PTK7: variants seen among roughly 807,000 people sequenced by gnomAD.
PTK7 encodes the protein inactive tyrosine-protein kinase 7.
A neutral mutation model predicts 116.6 loss-of-function variants in PTK7; 39 were observed. The observed-to-expected ratio is 0.33, with a 90% CI of 0.26 to 0.44. The LOEUF (loss-of-function observed/expected upper bound fraction) is 0.44, where lower values mean the gene tolerates loss of function less well. Among genes scored for constraint, PTK7 ranks in the 20% least tolerant of loss-of-function variants. PTK7 has a pLI of 1.00. For synonymous variants in PTK7, 546 were observed against 563.6 expected, an observed-to-expected ratio of 0.97 and a Z score of 0.44; for missense variants, 1,169 against 1,425.6, an observed-to-expected ratio of 0.82 and a Z score of 2.90.
rs186663012 is a variant in PTK7, at chr6:43,076,860, A to C, written c.79+293A>C. 1,779 of 1,470,138 alleles carry C rather than the reference A, an allele frequency of 1.2e-3. 4 individuals carry two copies. The highest frequency in any genetic ancestry group is 1.5e-3 in the Non-Finnish European group (1,663 of 1,107,434). 91.1% of individuals were successfully genotyped at this position (1,470,138 alleles called of 1,614,324 possible). On this transcript the variant is annotated intron_variant, in intron 1 of 19. Transcript: ENST00000230419. This position sits in a 1 kb window ranked among gnomAD's most constrained non-coding sequence, Gnocchi z 5.7. ...CCGAGAGTTTGCTCGAGAACTGCCG[A>C]GAGTTGCTGGCTCTCGGGCCCAGAT...
Position 43,143,316 on chromosome 6 carries a change from C to G in PTK7, c.2048-101C>G. ...GAAGGTGGTGACCCTCCCGGGCCAT[C>G]TGTTAAGTTGCCCTGTTGATGGGGT... On this transcript the variant is annotated intron_variant, in intron 13 of 19. Transcript: ENST00000230419. This position sits in a 1 kb window ranked among gnomAD's most constrained non-coding sequence, Gnocchi z 4.2. 8.3e-7 allele frequency: 1 copy of G among 1,201,656 alleles called. No homozygotes were observed. Among genetic ancestry groups the G allele is most frequent in the South Asian group, 1.4e-5 (1 of 72,334 alleles). 74.4% of individuals were successfully genotyped at this position (1,201,656 alleles called of 1,614,324 possible). A position where few individuals can be genotyped will look rare whatever the true frequency, so the allele number is the denominator to read the frequency against.
chr6:43,145,118 G>T lies in PTK7; in HGVS notation c.2408-82G>T. 7.6e-7 allele frequency: 1 copy of T among 1,322,610 alleles called. No individual in the cohort carries two copies. Among genetic ancestry groups the T allele is most frequent in the East Asian group, 2.3e-5 (1 of 42,792 alleles). 81.9% of individuals were successfully genotyped at this position (1,322,610 alleles called of 1,614,324 possible). The stretch of plus-strand genomic sequence containing the variant: ...CCCAGGTGGGTGGGTCCCCACTGTG[G>T]GAGAGGCTAGGCCCCTCCCCCAGGT... On this transcript the variant is annotated intron_variant, in intron 15 of 19. Coordinates refer to ENST00000230419, the MANE Select transcript of PTK7 (RefSeq NM_002821.5). This position sits in a 1 kb window ranked among gnomAD's most constrained non-coding sequence, Gnocchi z 4.8.
intron 1 of PTK7, among the ~76,000 whole-genome samples, chr6:43,079,372 CAG>C (rs565128791): frequency 6.4e-4 from 97 of 151,954 alleles, no homozygotes; most frequent in Admixed American, 2.2e-3. Flanking sequence ...GAGGCTGAGA[CAG>C]GAGAATGGCC....
At chr6:43,157,396 A>T (rs1256092490) in intron 17 of PTK7, among the ~76,000 whole-genome samples, 53 of 47,388 alleles carry the variant, frequency 1.1e-3, no homozygotes, top group East Asian at 2.1e-3. Flanking sequence ...TTTTTTTTTT[A>T]ATAGAGTCTC....
Position 43,142,040 on chromosome 6 carries a change from A to C in PTK7, c.1878A>C (p.Lys626Asn). Residue 626 changes from lysine to asparagine, a missense_variant, in exon 12 of 20, where the codon AAA becomes AAC. Lys to Asn is a moderately conservative substitution (Grantham distance 94). This residue lies in a region of PTK7 where 678 missense variants were observed against 853.8 expected (regional missense o/e 0.79). Coordinates refer to ENST00000230419, the MANE Select transcript of PTK7 (RefSeq NM_002821.5). ...ACCCCAAGCCGCTGATTCAGTGGAAAGGCAAGGACCGCATCCTGGACCCCA... is the reference window on the plus strand; with the variant it reads ...ACCCCAAGCCGCTGATTCAGTGGAACGGCAAGGACCGCATCCTGGACCCCA... Reference protein sequence around the residue: ...QGDPKPLIQWKGKDRILDPTK... With the variant: ...QGDPKPLIQWNGKDRILDPTK... The C allele has an allele frequency of 6.2e-7, 1 of 1,613,972 alleles. No homozygotes were observed. The highest frequency in any genetic ancestry group is 8.5e-7 in the Non-Finnish European group (1 of 1,179,978).
intron 1 of PTK7, among the ~76,000 whole-genome samples, chr6:43,116,280 G>A (rs964852659): frequency 3.3e-5 from 5 of 152,116 alleles, no homozygotes; most frequent in Non-Finnish European, 5.9e-5. Flanking sequence ...CTTTGCTCCC[G>A]GCCAGCTGGC....
chr6:43,152,734 T>TTTATGTTATG (rs59689086), intron 17 of PTK7, among the ~76,000 whole-genome samples: 15,508 of 144,072 alleles, frequency 0.11, 989 homozygotes, highest in Middle Eastern at 0.13. Flanking sequence ...TTTTATTTTA[T>TTTATGTTATG]TTATGTTATG....
In PTK7 at chr6:43,143,563, G is replaced by T. The variant is rs767881335; in HGVS notation, c.2194G>T (p.Ala732Ser). 2 of 1,613,616 alleles carry T rather than the reference G, an allele frequency of 1.2e-6. No homozygotes were observed. The highest frequency in any genetic ancestry group is 2.2e-5 in the East Asian group (1 of 44,886). The change falls in exon 14 of 20, where the codon GCC (alanine) becomes TCC (serine). Residue 732 changes from alanine (A) to serine (S), a missense_variant. Transcript: ENST00000230419. This position sits in a 1 kb window ranked among gnomAD's most constrained non-coding sequence, Gnocchi z 4.2. ...GTTCTACTGCAAGAAGCGCTGCAAAGCCAAGCGGCTGCAGAAGCAGCCCGA... is the reference window on the plus strand; with the variant it reads ...GTTCTACTGCAAGAAGCGCTGCAAATCCAAGCGGCTGCAGAAGCAGCCCGA... ...LMFYCKKRCK[A>S]KRLQKQPEGE...
intron 5 of PTK7, among the ~76,000 whole-genome samples, chr6:43,131,028 A>ACCACAC (rs1491535973): frequency 9.0e-5 from 8 of 88,468 alleles, no homozygotes; most frequent in African/African-American, 2.4e-4. Flanking sequence ...TGGCAAAGAC[A>ACCACAC]TCACACACAC....
chr6:43,149,059 CAA>C (rs59033917), intron 17 of PTK7, among the ~76,000 whole-genome samples: 7,797 of 69,918 alleles, frequency 0.11, 382 homozygotes, highest in East Asian at 0.4. Flanking sequence ...GACTTTGTCT[CAA>C]AAAAAAAAAA....
chr6:43,142,051 G>T lies in PTK7; in HGVS notation c.1889G>T (p.Arg630Leu), dbSNP rs373575913. 1 of 1,613,760 alleles carries T rather than the reference G, an allele frequency of 6.2e-7. No individual in the cohort carries two copies. Reference protein sequence around the residue: ...KPLIQWKGKDRILDPTKLGPR... With the variant: ...KPLIQWKGKDLILDPTKLGPR... ...CTGATTCAGTGGAAAGGCAAGGACC[G>T]CATCCTGGACCCCACCAAGCTGGGA... Residue 630 changes from arginine to leucine, a missense_variant, in exon 12 of 20, where the codon CGC becomes CTC. By Grantham distance (102) the Arg-to-Leu change is moderately radical. Around this residue, in one of 3 missense-constraint regions of PTK7, gnomAD observed 678 missense variants for 853.8 expected, o/e 0.79. Transcript: ENST00000230419.
intron 18 of PTK7, 69 bp from the exon 19 acceptor site, chr6:43,159,719 G>A (rs1771724127): frequency 2.6e-6 from 4 of 1,520,440 alleles, no homozygotes; most frequent in Non-Finnish European, 3.6e-6. Context: ...TTCCAGATGG[G>A]GAGATGAGGG....
Position 43,129,069 on chromosome 6 carries a change from C to T in PTK7, c.172C>T (p.Pro58Ser), listed in dbSNP as rs1320216702. Reference sequence around the variant, plus strand: ...GCTGCTTCGCTGTGAGGTTGAGGCTCCGGGCCCGGTACATGTGTACTGGCT... The same window carrying T: ...GCTGCTTCGCTGTGAGGTTGAGGCTTCGGGCCCGGTACATGTGTACTGGCT... ...RALLRCEVEA[P>S]GPVHVYWLLD... Residue 58 changes from proline (P) to serine (S), a missense_variant, in exon 2 of 20, where the codon CCG (proline) becomes TCG (serine). Coordinates refer to ENST00000230419, the MANE Select transcript of PTK7 (RefSeq NM_002821.5). The surrounding 1 kb of genome is among the most constrained non-coding windows in gnomAD (Gnocchi z 4.5). 4.3e-6 allele frequency: 7 copies of T among 1,614,212 alleles called. No homozygotes were observed. The highest frequency in any genetic ancestry group is 5.9e-6 in the Non-Finnish European group (7 of 1,180,044).
chr6:43,126,190 C>T (rs111326560), intron 1 of PTK7, among the ~76,000 whole-genome samples: 57 of 152,118 alleles, frequency 3.7e-4, no homozygotes, highest in African/African-American at 1.3e-3. Flanking sequence ...TGTGGTGGTG[C>T]GTAGCTGTAA....
chr6:43,087,841 G>A (rs1348920156), intron 1 of PTK7, among the ~76,000 whole-genome samples: 1 of 152,218 alleles, frequency 6.6e-6, no homozygotes, highest in Non-Finnish European at 1.5e-5. Context: ...TCTCTAGTGC[G>A]TGGGCACAGA....
chr6:43,157,167 GGTTT>G (rs1183233796), intron 17 of PTK7, among the ~76,000 whole-genome samples: 1 of 129,938 alleles, frequency 7.7e-6, no homozygotes, highest in African/African-American at 2.8e-5. Flanking sequence ...GTTGGATTGT[GGTTT>G]TTTTTTTTTT....
intron 1 of PTK7, among the ~76,000 whole-genome samples, chr6:43,112,795 C>T (rs958489989): frequency 3.3e-5 from 5 of 152,060 alleles, no homozygotes; most frequent in African/African-American, 7.2e-5. Context: ...GTCTTTCTGC[C>T]TTTGGTGGCT....
At chr6:43,100,148 C>G (rs995216339) in intron 1 of PTK7, among the ~76,000 whole-genome samples, 3 of 152,134 alleles carry the variant, frequency 2.0e-5, no homozygotes, top group Non-Finnish European at 4.4e-5. Context: ...CTTTGGGAGG[C>G]TGAGACGGGC....
chr6:43,131,158 C>T (rs1414685080), intron 5 of PTK7, among the ~76,000 whole-genome samples: 1 of 152,014 alleles, frequency 6.6e-6, no homozygotes, highest in Non-Finnish European at 1.5e-5. Context: ...CCTAGGAGAA[C>T]ATAGAACACC....
Sources: allele counts gnomAD v4.1 joint callset (sites outside exome capture counted in the v4.1 genomes callset), GRCh38; gene constraint gnomAD v4.1.1; regional missense constraint gnomAD v4.1.1; non-coding constraint Gnocchi (gnomAD v3.1); transcripts MANE v1.5; gene names NCBI Gene and HGNC (gene_info 2026-07-23, HGNC 2026-07-21).